The following DNHD1 variants were observed in gnomAD, a reference collection of about 807,000 sequenced individuals.
The protein encoded by DNHD1 is dynein heavy chain domain 1, also known as dynein heavy chain domain-containing protein 1.
Under a neutral mutation model 458.1 loss-of-function variants are expected in DNHD1, and 383 were observed. The observed-to-expected ratio is 0.84, with a 90% CI of 0.77 to 0.91. The LOEUF (loss-of-function observed/expected upper bound fraction) is 0.91. DNHD1 is among the 40% of genes least tolerant of loss of function. The probability of loss-of-function intolerance (pLI) is 0.00; values close to 1 mark genes in which losing one functional copy is unlikely to be tolerated. For synonymous variants in DNHD1, 2,203 were observed against 2,376.9 expected (o/e 0.93, Z 2.13); for missense variants, 5,336 against 5,866.1 (o/e 0.91, Z 2.95).
rs1351206853 is a variant in DNHD1, at chr11:6,564,578, T to C, written c.10530T>C (p.Ile3510=). ...TGGCTACACACTCTCCCTTCAGTAT[T>C]CTGTCCTTGCTGAGCTCTGAATCGG... ...PLLATHSPFS[I]LSLLSSESEQ... Residue 3510 remains isoleucine, a synonymous_variant, in exon 32 of 43, where the codon ATT becomes ATC. Coordinates refer to ENST00000254579, the MANE Select transcript of DNHD1 (RefSeq NM_144666.3). 11 of 1,551,618 alleles carry C rather than the reference T, an allele frequency of 7.1e-6. No individual in the cohort carries two copies. Among genetic ancestry groups the C allele is most frequent in the Non-Finnish European group, 8.7e-6 (10 of 1,147,012 alleles).
rs1853650215 is a variant in DNHD1, at chr11:6,564,352, T to C, written c.10304T>C (p.Met3435Thr). 1.3e-6 allele frequency: 2 copies of C among 1,543,908 alleles called. No individual in the cohort carries two copies. Among genetic ancestry groups the C allele is most frequent in the Admixed American group, 2.0e-5 (1 of 50,786 alleles). Residue 3435 changes from methionine (M) to threonine (T), a missense_variant, in exon 32 of 43, where the codon ATG (methionine) becomes ACG (threonine). Coordinates refer to ENST00000254579, the MANE Select transcript of DNHD1 (RefSeq NM_144666.3). ...TQLQKLKGRC[M>T]TVFGDTLLCS... ...CTCCAGAAGCTGAAGGGACGCTGCA[T>C]GACTGTGTTTGGAGATACCCTCCTA... is the stretch of plus-strand genomic sequence containing the variant.
chr11:6,515,637 T>C (rs1381562206), intron 7 of DNHD1, among the ~76,000 whole-genome samples: 1 of 152,130 alleles, frequency 6.6e-6, no homozygotes, highest in East Asian at 1.9e-4. Flanking sequence ...GTAGAGGCTC[T>C]TGTTTCCCTG....
In DNHD1 at chr11:6,529,090, A is replaced by G; in HGVS notation, c.2316A>G (p.Leu772=). 6 of 1,550,352 alleles carry G rather than the reference A, an allele frequency of 3.9e-6. No homozygotes were observed. Among genetic ancestry groups the G allele is most frequent in the Non-Finnish European group, 5.2e-6 (6 of 1,146,926 alleles). The change falls in exon 12 of 43, where the codon CTA becomes CTG. Residue 772 remains leucine (L), a synonymous_variant. Transcript: ENST00000254579. ...IELLTKGGLL[L]LSCHDVQAEM... is the part of the protein sequence containing the mutation. Reference sequence around the variant, plus strand: ...TGCTCACAAAAGGCGGGTTGCTGCTACTTAGCTGCCATGATGTACAGGCAG... The same window carrying G: ...TGCTCACAAAAGGCGGGTTGCTGCTGCTTAGCTGCCATGATGTACAGGCAG...
chr11:6,558,049 G>T lies in DNHD1; in HGVS notation c.8754G>T (p.Gly2918=). The change falls in exon 25 of 43, where the codon GGG becomes GGT. Residue 2918 remains glycine (G), a synonymous_variant. Transcript: ENST00000254579. ...CCCATTTCTTTCATCTACCATCTGG[G>T]TCAGAGGAGGCCATTCTCCAATGTC... The part of the protein sequence containing the change: ...CQAHFFHLPS[G]SEEAILQCLR... 1 of 1,551,710 alleles carries T rather than the reference G, an allele frequency of 6.4e-7. No individual in the cohort carries two copies. Among genetic ancestry groups the T allele is most frequent in the Non-Finnish European group, 8.7e-7 (1 of 1,146,984 alleles).
chr11:6,546,169 C>G lies in DNHD1; in HGVS notation c.5230C>G (p.Leu1744Val). ...AWLLLEKVHQ[L>V]PPGLLSALGQ... ...GCTGCTGTTGGAGAAAGTTCATCAGCTGCCCCCTGGCTTGCTCTCTGCCCT... is the reference window on the plus strand; with the variant it reads ...GCTGCTGTTGGAGAAAGTTCATCAGGTGCCCCCTGGCTTGCTCTCTGCCCT... The change falls in exon 21 of 43, where the codon CTG (leucine) becomes GTG (valine). Residue 1744 changes from leucine to valine, a missense_variant. Leu to Val is a conservative substitution (Grantham distance 32). Transcript: ENST00000254579. 6.4e-7 allele frequency: 1 copy of G among 1,550,878 alleles called. No homozygotes were observed. The highest frequency in any genetic ancestry group is 8.7e-7 in the Non-Finnish European group (1 of 1,146,388).
chr11:6,571,713 G>A lies in DNHD1; in HGVS notation c.13989G>A (p.Trp4663Ter). Residue 4663 changes from tryptophan to a stop codon, truncating the protein, a stop_gained, in exon 43 of 43, where the codon TGG becomes TGA. Coordinates refer to ENST00000254579, the MANE Select transcript of DNHD1 (RefSeq NM_144666.3). LOFTEE classifies it high-confidence loss of function. This position sits in a 1 kb window ranked among gnomAD's most constrained non-coding sequence, Gnocchi z 5.0. Reference protein sequence around the residue: ...LIGLQVLHAEWDPIAGALQDS... With the variant: ...LIGLQVLHAE ...GGCTACAGGTCCTACATGCGGAGTGGGACCCAATAGCTGGAGCCTTGCAGG... is the reference window on the plus strand; with the variant it reads ...GGCTACAGGTCCTACATGCGGAGTGAGACCCAATAGCTGGAGCCTTGCAGG... 6.2e-7 allele frequency: 1 copy of A among 1,612,262 alleles called. No homozygotes were observed. Among genetic ancestry groups the A allele is most frequent in the South Asian group, 1.1e-5 (1 of 90,794 alleles).
chr11:6,515,072 T>C (rs576290052), intron 7 of DNHD1, among the ~76,000 whole-genome samples: 1 of 152,326 alleles, frequency 6.6e-6, no homozygotes, highest in South Asian at 2.1e-4. Context: ...AGTTAAGCCC[T>C]CTTAGCTCAT....
At chr11:6,551,503 G>A (rs1416204127) in intron 24 of DNHD1, among the ~76,000 whole-genome samples, 1 of 151,870 alleles carries the variant, frequency 6.6e-6, no homozygotes, top group Non-Finnish European at 1.5e-5. Context: ...AAACAATGGA[G>A]AATATCAACA....
In DNHD1 at chr11:6,498,178, C is replaced by T; in HGVS notation, c.-38C>T. 1.9e-6 allele frequency: 3 copies of T among 1,581,260 alleles called. No homozygotes were observed. Among genetic ancestry groups the T allele is most frequent in the Non-Finnish European group, 2.6e-6 (3 of 1,162,012 alleles). ...TGGCAGTTGGAGCCTGAGCTATGGG[C>T]AAGGTCACTTCGACAGCAGTTGAAT... On this transcript the variant is annotated 5_prime_UTR_variant, in exon 3 of 43. An upstream open reading frame in the 5' UTR gains an earlier in-frame stop. Coordinates refer to ENST00000254579, the MANE Select transcript of DNHD1 (RefSeq NM_144666.3).
rs1438481782 is a variant in DNHD1 at position 6,557,968 on chromosome 11, G to T, written c.8673G>T (p.Gly2891=). 3 of 1,551,692 alleles carry T rather than the reference G, an allele frequency of 1.9e-6. No homozygotes were observed. The change falls in exon 25 of 43, where the codon GGG becomes GGT. Residue 2891 remains glycine, a synonymous_variant. Transcript: ENST00000254579. ...GGCAGCATGGCCTGCTGCTCTCGGG[G>T]GCTCTGGGTACTGGGCGCCACACTG... ...RPRQHGLLLS[G]ALGTGRHTAI... is the part of the protein sequence containing the mutation.
chr11:6,503,281 G>C lies in DNHD1; in HGVS notation c.920+355G>C, dbSNP rs536193905. ...ACTCCAATGGAAGAAACATGTGTTTGTTTAAATCTTTACAGTGTCAGGAAA... is the reference window on the plus strand; with the variant it reads ...ACTCCAATGGAAGAAACATGTGTTTCTTTAAATCTTTACAGTGTCAGGAAA... On this transcript the variant is annotated intron_variant, in intron 4 of 42. Coordinates refer to ENST00000254579, the MANE Select transcript of DNHD1 (RefSeq NM_144666.3). 1.1e-4 allele frequency: 20 copies of C among 182,846 alleles called. 1 individual carries two copies. In the South Asian group the frequency reaches 2.1e-3, roughly 19 times the overall value. The allele number at this position is 182,846 out of a possible 1,614,324, so 11.3% of individuals were successfully genotyped here.
rs1220943420 is a variant in DNHD1 at position 6,534,033 on chromosome 11, C to T, written c.2858C>T (p.Ala953Val). ...AALAELEGLL[A>V]KALSGPFMDP... ...TTGGCAGAGCTGGAAGGCCTGCTTGCGAAGGCCCTCTCCGGTCCCTTTATG... is the reference window on the plus strand; with the variant it reads ...TTGGCAGAGCTGGAAGGCCTGCTTGTGAAGGCCCTCTCCGGTCCCTTTATG... Residue 953 changes from alanine to valine, a missense_variant, in exon 14 of 43, where the codon GCG becomes GTG. Physicochemically the swap from Ala to Val is moderately conservative, Grantham distance 64. Transcript: ENST00000254579. The T allele has an allele frequency of 9.0e-6, 14 of 1,551,404 alleles. No homozygotes were observed. Among genetic ancestry groups the T allele is most frequent in the African/African-American group, 5.5e-5 (4 of 73,000 alleles).
intron 39 of DNHD1, among the ~76,000 whole-genome samples, chr11:6,569,690 T>C (rs911574576): frequency 3.0e-4 from 45 of 151,630 alleles, no homozygotes; most frequent in East Asian, 7.8e-4. Context: ...AGGGAAGAGA[T>C]TGTGGTATGG....
Position 6,545,245 on chromosome 11 carries a change from G to T in DNHD1, c.4306G>T (p.Gly1436Cys). The change falls in exon 21 of 43, where the codon GGT (glycine) becomes TGT (cysteine). Residue 1436 changes from glycine (G) to cysteine (C), a missense_variant. Physicochemically the swap from Gly to Cys is radical, Grantham distance 159 (BLOSUM62 -3). Transcript: ENST00000254579. This position sits in a 1 kb window ranked among gnomAD's most constrained non-coding sequence, Gnocchi z 4.9. Reference sequence around the variant, plus strand: ...AGGTGGGGAGGAGGTGAAGCTGCAGGGTCCCCTTCCTCTGCATCCAGATCT... The same window carrying T: ...AGGTGGGGAGGAGGTGAAGCTGCAGTGTCCCCTTCCTCTGCATCCAGATCT... ...GAGGEEVKLQGPLPLHPDLPK... is the reference protein window; with the variant it reads ...GAGGEEVKLQCPLPLHPDLPK... 1 of 1,551,754 alleles carries T rather than the reference G, an allele frequency of 6.4e-7. No individual in the cohort carries two copies. The highest frequency in any genetic ancestry group is 8.7e-7 in the Non-Finnish European group (1 of 1,147,012).
intron 3 of DNHD1, among the ~76,000 whole-genome samples, chr11:6,499,936 C>T (rs1852101482): frequency 1.3e-5 from 2 of 149,294 alleles, no homozygotes; most frequent in African/African-American, 4.9e-5. Context: ...TTACAGAGAC[C>T]TTCTCTTCTC....
In DNHD1 at chr11:6,568,163, G is replaced by T; in HGVS notation, c.12459G>T (p.Val4153=). The part of the protein sequence containing the change: ...SQAMYEGHWL[V]LDNCHLMPHW... ...CTATGTATGAGGGGCACTGGCTGGTGCTGGACAACTGTCATCTGATGCCCC... is the reference window on the plus strand; with the variant it reads ...CTATGTATGAGGGGCACTGGCTGGTTCTGGACAACTGTCATCTGATGCCCC... The change falls in exon 37 of 43, where the codon GTG becomes GTT. Residue 4153 remains valine (V), a synonymous_variant. Transcript: ENST00000254579. 1 of 1,554,892 alleles carries T rather than the reference G, an allele frequency of 6.4e-7. No individual in the cohort carries two copies. The highest frequency in any genetic ancestry group is 8.7e-7 in the Non-Finnish European group (1 of 1,148,662).
At chr11:6,524,618 A>G (rs1852672244) in intron 10 of DNHD1, among the ~76,000 whole-genome samples, 1 of 152,218 alleles carries the variant, frequency 6.6e-6, no homozygotes, top group Non-Finnish European at 1.5e-5. Flanking sequence ...TTCATAAGCT[A>G]TGGCAAGGGG....
At chr11:6,544,067 C>T in intron 18 of DNHD1, 54 bp from the exon 19 acceptor site, 2 of 1,547,252 alleles carry the variant, frequency 1.3e-6, no homozygotes, top group Admixed American at 2.0e-5. Flanking sequence ...TCTTCTCTCC[C>T]CCAGCCCCGG....
rs977899176 is a variant in DNHD1 at position 6,497,963 on chromosome 11, G to A, written c.-253G>A. Reference sequence around the variant, plus strand: ...GGGGAAGCAGTAGGGAGGGCCTGAGGGTCTCAGGAAAGGCTCTCTGCTGGT... The same window carrying A: ...GGGGAAGCAGTAGGGAGGGCCTGAGAGTCTCAGGAAAGGCTCTCTGCTGGT... On this transcript the variant is annotated 5_prime_UTR_variant, in exon 3 of 43. Coordinates refer to ENST00000254579, the MANE Select transcript of DNHD1 (RefSeq NM_144666.3). The A allele has an allele frequency of 1.8e-6, 1 of 545,032 alleles. No homozygotes were observed. The highest frequency in any genetic ancestry group is 1.9e-5 in the African/African-American group (1 of 53,002). The allele number at this position is 545,032 out of a possible 1,614,324, so 33.8% of individuals were successfully genotyped here.
Sources: gnomAD v4.1 joint callset for allele counts (sites outside exome capture counted in the v4.1 genomes callset) on GRCh38, gnomAD v4.1.1 for gene constraint, Gnocchi (gnomAD v3.1) non-coding constraint, MANE v1.5 for transcripts, NCBI Gene and HGNC (gene_info 2026-07-23, HGNC 2026-07-21) for gene names.